The following MAGI2 variants were observed in gnomAD, a reference collection of about 807,000 sequenced individuals.
MAGI2 encodes the protein membrane-associated guanylate kinase, WW and PDZ domain-containing protein 2.
Under a neutral mutation model 133.3 loss-of-function variants are expected in MAGI2, and 35 were observed. The observed-to-expected ratio is 0.26, with a 90% CI of 0.20 to 0.35. The LOEUF is 0.35. MAGI2 is among the 10% of genes least tolerant of loss of function. MAGI2 has a pLI of 1.00. For synonymous variants in MAGI2, 729 were observed against 710.6 expected (o/e 1.03, Z -0.41); for missense variants, 1,636 against 1,863.4 (o/e 0.88, Z 2.25).
intron 1 of MAGI2, among the ~76,000 whole-genome samples, chr7:79,014,255 C>A (rs1562788247): frequency 6.6e-6 from 1 of 152,132 alleles, no homozygotes; most frequent in Non-Finnish European, 1.5e-5. Context: ...TTTCATTTTT[C>A]ATTGTTAGCC....
intron 2 of MAGI2, among the ~76,000 whole-genome samples, chr7:78,761,943 C>T (rs1824556040): frequency 6.6e-6 from 1 of 152,084 alleles, no homozygotes; most frequent in Admixed American, 6.6e-5. Context: ...CAATGAGGAG[C>T]TCTCCACATG....
chr7:78,889,125 A>G (rs975323893), intron 2 of MAGI2, among the ~76,000 whole-genome samples: 1 of 152,240 alleles, frequency 6.6e-6, no homozygotes, highest in Admixed American at 6.5e-5. Flanking sequence ...AAGAAAGGGT[A>G]TCAGTGGTGG....
At chr7:78,523,703 A>T (rs982166420) in intron 3 of MAGI2, among the ~76,000 whole-genome samples, 2 of 152,014 alleles carry the variant, frequency 1.3e-5, no homozygotes, top group African/African-American at 4.8e-5. Context: ...AAACTATCAG[A>T]TCTTGTGAGA....
chr7:79,040,796 T>C (rs1811590004), intron 1 of MAGI2, among the ~76,000 whole-genome samples: 1 of 152,128 alleles, frequency 6.6e-6, no homozygotes. Flanking sequence ...CCTTCTGCCA[T>C]GATTCTAAGT....
At chr7:79,113,990 G>A (rs76224302) in intron 1 of MAGI2, among the ~76,000 whole-genome samples, 3,937 of 152,190 alleles carry the variant, frequency 0.026, 83 homozygotes, top group Admixed American at 0.067. Context: ...AATGTGTAAT[G>A]TTCAGGTGTT....
chr7:79,347,132 T>G (rs1339449936), intron 1 of MAGI2, among the ~76,000 whole-genome samples: 1 of 151,974 alleles, frequency 6.6e-6, no homozygotes, highest in Non-Finnish European at 1.5e-5. Context: ...TAACATGGCT[T>G]GAACAATGTT....
At chr7:78,750,610 C>A (rs1823364768) in intron 2 of MAGI2, among the ~76,000 whole-genome samples, 1 of 152,048 alleles carries the variant, frequency 6.6e-6, no homozygotes, top group South Asian at 2.1e-4. Flanking sequence ...TCAGACAATA[C>A]ACATAACAAA....
chr7:78,277,591 G>A (rs934548364), intron 9 of MAGI2, among the ~76,000 whole-genome samples: 4 of 152,254 alleles, frequency 2.6e-5, no homozygotes, highest in Admixed American at 6.5e-5. Context: ...AAGCCCATGA[G>A]GGAGATAGGA....
At chr7:79,171,069 G>A (rs1358792060) in intron 1 of MAGI2, among the ~76,000 whole-genome samples, 1 of 152,078 alleles carries the variant, frequency 6.6e-6, no homozygotes, top group South Asian at 2.1e-4. Flanking sequence ...ACAATTGGAA[G>A]CTATATTAGT....
At chr7:79,095,920 T>G (rs1461344269) in intron 1 of MAGI2, among the ~76,000 whole-genome samples, 3 of 152,150 alleles carry the variant, frequency 2.0e-5, no homozygotes, top group African/African-American at 7.2e-5. Context: ...ACCTTCAATC[T>G]GTAAAAACGA....
chr7:78,535,390 T>G (rs1339692640), intron 3 of MAGI2, among the ~76,000 whole-genome samples: 1 of 152,182 alleles, frequency 6.6e-6, no homozygotes. Context: ...TTCAGATTTG[T>G]TTTTAAAACA....
At chr7:79,237,523 G>T (rs1043975159) in intron 1 of MAGI2, among the ~76,000 whole-genome samples, 4 of 152,154 alleles carry the variant, frequency 2.6e-5, no homozygotes, top group Admixed American at 1.3e-4. Context: ...TAAGAAAAAT[G>T]TAGAAATATT....
chr7:79,281,784 A>G (rs1835661773), intron 1 of MAGI2, among the ~76,000 whole-genome samples: 1 of 152,158 alleles, frequency 6.6e-6, no homozygotes, highest in African/African-American at 2.4e-5. Context: ...TCAGCTAGTC[A>G]TATTCTTGCA....
At chr7:78,171,783 C>T (rs927166187) in intron 14 of MAGI2, among the ~76,000 whole-genome samples, 5 of 152,204 alleles carry the variant, frequency 3.3e-5, no homozygotes, top group Admixed American at 1.3e-4. Flanking sequence ...AGCCTTGCCC[C>T]ATTCATTACC....
chr7:78,160,306 ACCT>A, intron 15 of MAGI2, 33 bp from the exon 16 acceptor site: 1 of 1,536,122 alleles, frequency 6.5e-7, no homozygotes, highest in South Asian at 1.3e-5. Context: ...GTAATCAATT[ACCT>A]TACAAGGGTC....
At chr7:78,277,928 G>A (rs1424308449) in intron 9 of MAGI2, among the ~76,000 whole-genome samples, 1 of 152,136 alleles carries the variant, frequency 6.6e-6, no homozygotes, top group Non-Finnish European at 1.5e-5. Flanking sequence ...GAGCAAAGAG[G>A]AGGAGGAATT....
chr7:78,429,746 T>G (rs1465253073), intron 6 of MAGI2, among the ~76,000 whole-genome samples: 2 of 152,020 alleles, frequency 1.3e-5, no homozygotes, highest in Non-Finnish European at 2.9e-5. Context: ...AATATAATTT[T>G]ATTTAGAAAT....
intron 6 of MAGI2, among the ~76,000 whole-genome samples, chr7:78,428,649 G>C (rs1250117063): frequency 6.6e-6 from 1 of 152,110 alleles, no homozygotes; most frequent in African/African-American, 2.4e-5. Context: ...GCCTTTACTT[G>C]CTAACTGCCT....
intron 11 of MAGI2, among the ~76,000 whole-genome samples, 171 bp downstream of exon 11, chr7:78,200,991 C>T (rs767012242): frequency 2.6e-5 from 4 of 152,130 alleles, no homozygotes; most frequent in African/African-American, 7.2e-5. Context: ...GTGAGTGACT[C>T]ATGTACTTGT....
Sources: gnomAD v4.1 joint callset for allele counts (sites outside exome capture counted in the v4.1 genomes callset) on GRCh38, gnomAD v4.1.1 for gene constraint, MANE v1.5 for transcripts, NCBI Gene and HGNC (gene_info 2026-07-23, HGNC 2026-07-21) for gene names.